LRP2: variants seen among roughly 807,000 people sequenced by gnomAD.
The protein encoded by LRP2 is low-density lipoprotein receptor-related protein 2.
In LRP2, 172 loss-of-function variants were observed where a neutral mutation model predicts 531.0. The ratio of observed to expected loss-of-function variants is 0.32; its 90% CI spans 0.29 to 0.37. LRP2 has a LOEUF of 0.37. LRP2 is among the 10% of genes least tolerant of loss of function. LRP2 has a pLI of 1.00. For synonymous variants in LRP2, 1,992 were observed against 2,027.6 expected (o/e 0.98, Z 0.47); for missense variants, 5,167 against 5,868.3 (o/e 0.88, Z 3.90).
chr2:169,327,192 AGCCCCCCGCCTGGCCAGCCGCCCCATCCG>A, intron 1 of LRP2, among the ~76,000 whole-genome samples: 1 of 133,284 alleles, frequency 7.5e-6, no homozygotes, highest in African/African-American at 3.0e-5. Context: ...TGGGGGGGTC[AGCCCCCCGCCTGGCCAGCCGCCCCATCCG>A]GGAGGGAGGT....
chr2:169,159,111 G>A (rs1227758218), intron 63 of LRP2, among the ~76,000 whole-genome samples: 1 of 152,126 alleles, frequency 6.6e-6, no homozygotes, highest in East Asian at 1.9e-4. Flanking sequence ...TGGCGAAGAT[G>A]AACATAGATA....
chr2:169,188,570 T>C (rs1687718755), intron 48 of LRP2, among the ~76,000 whole-genome samples: 1 of 152,258 alleles, frequency 6.6e-6, no homozygotes, highest in African/African-American at 2.4e-5. Flanking sequence ...TCTATAGCTA[T>C]TAAAAATAAT....
chr2:169,187,986 G>A lies in LRP2; in HGVS notation c.9312C>T (p.Ser3104=), dbSNP rs538919316. Residue 3104 remains serine (S), a synonymous_variant, in exon 49 of 79, where the codon AGC becomes AGT. Transcript: ENST00000649046. ...CNHLDDCLDN[S]DEKGCGINEC... The stretch of plus-strand genomic sequence containing the variant: ...TGTACTCACCACAGCCTTTCTCATC[G>A]CTGTTGTCCAAACAGTCATCTAGGT... The A allele has an allele frequency of 7.2e-5, 117 of 1,613,934 alleles. 1 individual carries two copies. Among genetic ancestry groups the A allele is most frequent in the South Asian group, 6.9e-4 (63 of 91,060 alleles).
In LRP2 at chr2:169,290,849, G is replaced by A. The variant is rs1683980523; in HGVS notation, c.918C>T (p.Tyr306=). 1.2e-6 allele frequency: 2 copies of A among 1,614,022 alleles called. No individual in the cohort carries two copies. The highest frequency in any genetic ancestry group is 1.3e-5 in the African/African-American group (1 of 75,050). Reference sequence around the variant, plus strand: ...CAGGTAAATGTCTATACTCACTACAGTATTTTCCGGTACTAGTGTTGTTTT... The same window carrying A: ...CAGGTAAATGTCTATACTCACTACAATATTTTCCGGTACTAGTGTTGTTTT... The part of the protein sequence containing the change: ...EDENNTSTGK[Y]CSMTLCSALN... Residue 306 remains tyrosine (Y), a synonymous_variant, in exon 8 of 79, where the codon TAC becomes TAT. Coordinates refer to ENST00000649046, the MANE Select transcript of LRP2 (RefSeq NM_004525.3).
intron 1 of LRP2, among the ~76,000 whole-genome samples, chr2:169,336,536 T>TCTCACA (rs1685409328): frequency 6.8e-6 from 1 of 146,080 alleles, no homozygotes; most frequent in South Asian, 2.2e-4. Context: ...CAAGACTCCA[T>TCTCACA]CACACACACA....
chr2:169,168,661 T>C lies in LRP2; in HGVS notation c.11513A>G (p.Asp3838Gly). The C allele has an allele frequency of 6.2e-7, 1 of 1,614,066 alleles. No homozygotes were observed. Residue 3838 changes from aspartate (D) to glycine (G), a missense_variant, in exon 61 of 79, where the codon GAT becomes GGT. Transcript: ENST00000649046. ...CATAGTAGCCTGGCAGTATGCACCA[T>C]CAGGAAAGCGTGTGGCTGCCATGGG... Reference protein sequence around the residue: ...DEADCPTRFPDGAYCQATMFE... With the variant: ...DEADCPTRFPGGAYCQATMFE...
At chr2:169,311,583 G>A (rs1684599707) in intron 3 of LRP2, among the ~76,000 whole-genome samples, 1 of 152,134 alleles carries the variant, frequency 6.6e-6, no homozygotes. Flanking sequence ...TATAATTTCT[G>A]TCCTTTTACA....
At chr2:169,270,742 C>T (rs1683387467) in intron 16 of LRP2, among the ~76,000 whole-genome samples, 162 bp downstream of exon 16, 1 of 128,576 alleles carries the variant, frequency 7.8e-6, no homozygotes, top group African/African-American at 2.7e-5. Flanking sequence ...TACCCTAGAA[C>T]TTAAAGTAAA....
chr2:169,172,278 G>A, intron 57 of LRP2, 144 bp from the exon 58 acceptor site: 2 of 923,020 alleles, frequency 2.2e-6, no homozygotes, highest in South Asian at 1.4e-5. Context: ...CAACATTCAT[G>A]GTCAACATTC....
intron 25 of LRP2, among the ~76,000 whole-genome samples, chr2:169,240,447 T>G (rs1268648039): frequency 2.0e-5 from 3 of 152,218 alleles, no homozygotes; most frequent in African/African-American, 7.2e-5. Flanking sequence ...CAGGACATTT[T>G]CAGAACAAAC....
At chr2:169,333,944 A>G (rs560358629) in intron 1 of LRP2, among the ~76,000 whole-genome samples, 15 of 152,356 alleles carry the variant, frequency 9.8e-5, no homozygotes, top group African/African-American at 3.4e-4. Flanking sequence ...ACTTGAAACA[A>G]TTCAATAGCT....
At chr2:169,180,343 A>G (rs1349359537) in intron 52 of LRP2, among the ~76,000 whole-genome samples, 1 of 152,278 alleles carries the variant, frequency 6.6e-6, no homozygotes, top group Non-Finnish European at 1.5e-5. Flanking sequence ...TCAAAATGGT[A>G]TAAGTAAACT....
chr2:169,298,412 T>G (rs1684188016), intron 4 of LRP2, among the ~76,000 whole-genome samples: 1 of 152,072 alleles, frequency 6.6e-6, no homozygotes, highest in South Asian at 2.1e-4. Flanking sequence ...ACTGGTAAAG[T>G]TGGAGAGCCA....
Position 169,361,350 on chromosome 2 carries a change from G to GTCTCTCTCTGTCTC in LRP2, c.79+970_79+971insGAGACAGAGAGAGA, listed in dbSNP as rs1559092778. Among the ~76,000 whole-genome samples the GTCTCTCTCTGTCTC allele has an allele frequency of 4.4e-3, 96 of 21,954 alleles. 1 individual carries two copies. Among genetic ancestry groups the GTCTCTCTCTGTCTC allele is most frequent in the Middle Eastern group, 0.016 (1 of 62 alleles). 14.4% of individuals were successfully genotyped at this position (21,954 alleles called of 152,430 possible). A position where few individuals can be genotyped will look rare whatever the true frequency, so the allele number is the denominator to read the frequency against. On this transcript the variant is annotated intron_variant, in intron 1 of 78. Transcript: ENST00000649046. Reference sequence around the variant, plus strand: ...TCTCTGTCTCTCTCTGTCTCTCTCTGTCTCTCTCTCTCTCTCTCTCTCTCT... The same window carrying GTCTCTCTCTGTCTC: ...TCTCTGTCTCTCTCTGTCTCTCTCTGTCTCTCTCTGTCTCTCTCTCTCTCTCTCTCTCTCTCTCT...
At chr2:169,309,001 G>T (rs1226736388) in intron 3 of LRP2, among the ~76,000 whole-genome samples, 41 of 151,636 alleles carry the variant, frequency 2.7e-4, no homozygotes, top group African/African-American at 9.3e-4. Context: ...TCATGTGTCT[G>T]TTGGCTGCAT....
intron 12 of LRP2, 57 bp from the exon 13 acceptor site, chr2:169,278,008 AT>A (rs1191402789): frequency 3.2e-5 from 46 of 1,448,852 alleles, no homozygotes; most frequent in East Asian, 9.2e-5. Context: ...TAACCTGGGA[AT>A]TTTTTTTAAC....
Position 169,257,231 on chromosome 2 carries a change from A to G in LRP2, c.2532T>C (p.Asp844=). 6.2e-7 allele frequency: 1 copy of G among 1,612,768 alleles called. No individual in the cohort carries two copies. Among genetic ancestry groups the G allele is most frequent in the African/African-American group, 1.3e-5 (1 of 74,980 alleles). ...TCATAATTTTAGCAGGACGGAACCA[A>G]TCAGTGAAGAATAGATACCTAGAAA... ...HPFAGYLFFT[D]WFRPAKIMRA... is the part of the protein sequence containing the mutation. Residue 844 remains aspartate (D), a synonymous_variant, in exon 18 of 79, where the codon GAT becomes GAC. Transcript: ENST00000649046.
intron 1 of LRP2, among the ~76,000 whole-genome samples, chr2:169,347,236 G>A (rs555307775): frequency 8.1e-4 from 124 of 152,294 alleles, no homozygotes; most frequent in African/African-American, 2.9e-3. Context: ...AGGAAAGAAT[G>A]TCTTACTCCG....
chr2:169,287,264 A>G (rs3770612), intron 9 of LRP2, among the ~76,000 whole-genome samples: 40,018 of 152,142 alleles, frequency 0.26, 6,485 homozygotes, highest in Non-Finnish European at 0.36. Flanking sequence ...ACTTTTATTT[A>G]TAAAATGTTT....
Sources: gnomAD v4.1 joint callset for allele counts (sites outside exome capture counted in the v4.1 genomes callset) on GRCh38, gnomAD v4.1.1 for gene constraint, MANE v1.5 for transcripts, NCBI Gene and HGNC (gene_info 2026-07-23, HGNC 2026-07-21) for gene names.